ABCA13: variants seen among roughly 807,000 people sequenced by gnomAD.
ABCA13 encodes ATP binding cassette subfamily A member 13.
ABCA13 carries 476 observed loss-of-function variants against 478.7 expected under a neutral mutation model. The observed-to-expected ratio is 0.99, with a 90% CI of 0.92 to 1.07. The LOEUF is 1.07. Ranked by LOEUF, ABCA13 falls within the 50% of genes least tolerant of loss-of-function variation. The pLI is 0.00. For missense variants in ABCA13, 6,060 were observed against 5,910.6 expected (o/e 1.03, Z -0.83); for synonymous variants, 2,252 against 2,158.9 (o/e 1.04, Z -1.20).
intron 20 of ABCA13, 83 bp from the exon 21 acceptor site, chr7:48,295,617 T>C: frequency 1.3e-6 from 2 of 1,538,390 alleles, no homozygotes; most frequent in Non-Finnish European, 1.8e-6. Context: ...GTTCTCTGTG[T>C]TTCCTGAGAC....
At chr7:48,530,104 A>T (rs1363943259) in intron 55 of ABCA13, among the ~76,000 whole-genome samples, 1 of 152,054 alleles carries the variant, frequency 6.6e-6, no homozygotes, top group East Asian at 1.9e-4. Flanking sequence ...AATTCATTGT[A>T]TCATTCTTGT....
chr7:48,506,374 C>A lies in ABCA13; in HGVS notation c.13330C>A (p.Leu4444Met). 6.2e-7 allele frequency: 1 copy of A among 1,613,800 alleles called. No homozygotes were observed. Among genetic ancestry groups the A allele is most frequent in the Non-Finnish European group, 8.5e-7 (1 of 1,179,724 alleles). Residue 4444 changes from leucine to methionine, a missense_variant, in exon 49 of 62, where the codon CTG becomes ATG. Physicochemically the swap from Leu to Met is conservative, Grantham distance 15. Around this residue, in one of 3 missense-constraint regions of ABCA13, gnomAD observed 1,627 missense variants for 1,571.0 expected, o/e 1.04. Transcript: ENST00000435803. ...LYSHPYGGALLNEDKILESIR... is the reference protein window; with the variant it reads ...LYSHPYGGALMNEDKILESIR... ...CAGCCACCCATATGGAGGGGCCTTGCTGAACGAGGACAAGATGTGAGTTGA... is the reference window on the plus strand; with the variant it reads ...CAGCCACCCATATGGAGGGGCCTTGATGAACGAGGACAAGATGTGAGTTGA...
intron 45 of ABCA13, among the ~76,000 whole-genome samples, chr7:48,478,537 G>C (rs1828399609): frequency 6.6e-6 from 1 of 152,048 alleles, no homozygotes; most frequent in Non-Finnish European, 1.5e-5. Flanking sequence ...AAGTTCAGAA[G>C]TTTATATATC....
intron 9 of ABCA13, 141 bp downstream of exon 9, chr7:48,239,546 G>C: frequency 1.0e-6 from 1 of 965,502 alleles, no homozygotes; most frequent in Non-Finnish European, 1.5e-6. Flanking sequence ...CCACATCCTG[G>C]CCATTGAGTG....
intron 58 of ABCA13, among the ~76,000 whole-genome samples, chr7:48,611,131 A>G (rs913040236): frequency 6.6e-6 from 1 of 152,174 alleles, no homozygotes; most frequent in African/African-American, 2.4e-5. Flanking sequence ...TTAAATAAAA[A>G]TTTTAATTTC....
intron 58 of ABCA13, among the ~76,000 whole-genome samples, chr7:48,600,578 T>C (rs1790787479): frequency 6.6e-6 from 1 of 152,186 alleles, no homozygotes; most frequent in African/African-American, 2.4e-5. Context: ...TTTAGTTATG[T>C]TCTTACTGGC....
At chr7:48,262,627 C>T (rs1281848019) in intron 15 of ABCA13, among the ~76,000 whole-genome samples, 1 of 151,872 alleles carries the variant, frequency 6.6e-6, no homozygotes, top group African/African-American at 2.4e-5. Flanking sequence ...ATTATCTACT[C>T]TCATTTCAGT....
intron 48 of ABCA13, among the ~76,000 whole-genome samples, chr7:48,496,428 G>C (rs943819851): frequency 3.3e-5 from 5 of 152,078 alleles, no homozygotes; most frequent in Non-Finnish European, 5.9e-5. Flanking sequence ...CACCACATCA[G>C]ATGGTGTTCT....
chr7:48,246,136 TA>T, intron 13 of ABCA13, 106 bp downstream of exon 13: 1 of 1,276,802 alleles, frequency 7.8e-7, no homozygotes. Flanking sequence ...AGTTTTGCCG[TA>T]AGCCCACACA....
At position 48,317,048 on chromosome 7, in the gene ABCA13, A is replaced by C. The variant is rs559344256; in HGVS notation, c.9860-109A>C. Reference sequence around the variant, plus strand: ...AAGTTCAGAGTGGTGTCAGAAAAAAATATGGCTGTCATTGAAAATGAGGCA... The same window carrying C: ...AAGTTCAGAGTGGTGTCAGAAAAAACTATGGCTGTCATTGAAAATGAGGCA... On this transcript the variant is annotated intron_variant, in intron 26 of 61. Coordinates refer to ENST00000435803, the MANE Select transcript of ABCA13 (RefSeq NM_152701.5). 2.9e-5 allele frequency: 40 copies of C among 1,356,360 alleles called. No individual in the cohort carries two copies. In the South Asian group the frequency reaches 5.2e-4, roughly 18 times the overall value. The allele number at this position is 1,356,360 out of a possible 1,614,324, so 84.0% of individuals were successfully genotyped here. A position where few individuals can be genotyped will look rare whatever the true frequency, so the allele number is the denominator to read the frequency against.
intron 57 of ABCA13, among the ~76,000 whole-genome samples, chr7:48,590,980 C>A (rs112847625): frequency 0.012 from 1,824 of 152,030 alleles, 49 homozygotes; most frequent in African/African-American, 0.042. Context: ...TTGAAATAGT[C>A]CCACTTTATG....
chr7:48,434,443 T>C (rs1298610568), intron 42 of ABCA13, among the ~76,000 whole-genome samples: 1 of 151,936 alleles, frequency 6.6e-6, no homozygotes, highest in East Asian at 1.9e-4. Flanking sequence ...GCAATTTTTT[T>C]CTCTTTCCAT....
intron 42 of ABCA13, among the ~76,000 whole-genome samples, chr7:48,428,773 T>C (rs917867669): frequency 6.6e-6 from 1 of 152,214 alleles, no homozygotes; most frequent in Non-Finnish European, 1.5e-5. Flanking sequence ...GCATATATTT[T>C]TATTTCCCAC....
intron 42 of ABCA13, among the ~76,000 whole-genome samples, chr7:48,430,110 A>G (rs1184676947): frequency 1.3e-5 from 2 of 152,098 alleles, no homozygotes; most frequent in Non-Finnish European, 2.9e-5. Context: ...AATAATTGGT[A>G]TTAGCTCTTC....
intron 57 of ABCA13, among the ~76,000 whole-genome samples, chr7:48,594,411 CT>C (rs750320016): frequency 1.7e-4 from 26 of 150,572 alleles, no homozygotes; most frequent in African/African-American, 5.1e-4. Flanking sequence ...CTATTTGGTT[CT>C]TTTTTTTTAT....
At chr7:48,566,883 G>A (rs1213208108) in intron 55 of ABCA13, among the ~76,000 whole-genome samples, 2 of 152,150 alleles carry the variant, frequency 1.3e-5, no homozygotes, top group Admixed American at 1.3e-4. Flanking sequence ...TGCTATTTGA[G>A]TACTGACCTC....
Position 48,471,547 on chromosome 7 carries a change from G to C in ABCA13, c.12923G>C (p.Trp4308Ser). ...LNPRQKNSSCWRTDPFSHPEF... is the reference protein window; with the variant it reads ...LNPRQKNSSCSRTDPFSHPEF... ...TTTTTTAGGAAGAATTCTTCATGCT[G>C]GCGCACAGATCCCTTTTCTCACCCA... Residue 4308 changes from tryptophan to serine, a missense_variant, in exon 45 of 62, where the codon TGG becomes TCG. This residue lies in a region of ABCA13 where 1,627 missense variants were observed against 1,571.0 expected (regional missense o/e 1.04). Coordinates refer to ENST00000435803, the MANE Select transcript of ABCA13 (RefSeq NM_152701.5). 6.4e-7 allele frequency: 1 copy of C among 1,561,236 alleles called. No homozygotes were observed. The highest frequency in any genetic ancestry group is 1.2e-5 in the South Asian group (1 of 84,862).
Position 48,273,460 on chromosome 7 carries a change from A to C in ABCA13, c.3794A>C (p.His1265Pro). The C allele has an allele frequency of 6.2e-7, 1 of 1,611,600 alleles. No individual in the cohort carries two copies. The highest frequency in any genetic ancestry group is 1.1e-5 in the South Asian group (1 of 90,750). ...CTTTTCACCATGGAAGCTGCCCTGC[A>C]TCAGTTGAAGACATTTCCATTCAAC... Reference protein sequence around the residue: ...KSLFTMEAALHQLKTFPFNES... With the variant: ...KSLFTMEAALPQLKTFPFNES... The change falls in exon 17 of 62, where the codon CAT (histidine) becomes CCT (proline). Residue 1265 changes from histidine to proline, a missense_variant. Transcript: ENST00000435803.
At chr7:48,524,489 C>G (rs764614045) in intron 54 of ABCA13, 49 bp downstream of exon 54, 1 of 1,485,052 alleles carries the variant, frequency 6.7e-7, no homozygotes. Context: ...ACCTGTACAA[C>G]TCTAGTAGCT....
Sources: allele counts gnomAD v4.1 joint callset (sites outside exome capture counted in the v4.1 genomes callset), GRCh38; gene constraint gnomAD v4.1.1; regional missense constraint gnomAD v4.1.1; transcripts MANE v1.5; gene names NCBI Gene and HGNC (gene_info 2026-07-23, HGNC 2026-07-21).